KIAA1217: variants seen among roughly 807,000 people sequenced by gnomAD.
KIAA1217 encodes the protein sickle tail protein homolog.
KIAA1217 carries 88 observed loss-of-function variants against 163.9 expected under a neutral mutation model. The observed-to-expected ratio is 0.54, with a 90% CI of 0.45 to 0.64. The LOEUF is 0.64. Ranked by LOEUF, KIAA1217 falls within the 30% of genes least tolerant of loss-of-function variation. The pLI, the probability that KIAA1217 is intolerant of heterozygous loss-of-function variation, is 0.00. For synonymous variants in KIAA1217, 903 were observed against 923.1 expected, an observed-to-expected ratio of 0.98 and a Z score of 0.39; for missense variants, 2,372 against 2,475.0, an observed-to-expected ratio of 0.96 and a Z score of 0.88.
At chr10:23,866,558 T>G (rs1400903196) in intron 1 of KIAA1217, among the ~76,000 whole-genome samples, 1 of 152,114 alleles carries the variant, frequency 6.6e-6, no homozygotes, top group African/African-American at 2.4e-5. Flanking sequence ...GGAGGGCAGC[T>G]GTACCCTTTT....
intron 4 of KIAA1217, among the ~76,000 whole-genome samples, chr10:24,436,869 C>A (rs2060087515): frequency 6.6e-6 from 1 of 151,514 alleles, no homozygotes; most frequent in South Asian, 2.1e-4. Flanking sequence ...ACTGCACTTC[C>A]TTCAGTGTTT....
Position 24,381,086 on chromosome 10 carries a change from T to C in KIAA1217, c.553+19T>C. ...TCTCTGGGTAAGCTTTAGAAGGCAGTTTCTGATGCCCCTTTCTTACTGAAT... is the reference window on the plus strand; with the variant it reads ...TCTCTGGGTAAGCTTTAGAAGGCAGCTTCTGATGCCCCTTTCTTACTGAAT... On this transcript the variant is annotated intron_variant, in intron 3 of 20. Transcript: ENST00000376454. The C allele has an allele frequency of 6.6e-7, 1 of 1,507,932 alleles. No homozygotes were observed. The highest frequency in any genetic ancestry group is 8.9e-7 in the Non-Finnish European group (1 of 1,122,998). The allele number at this position is 1,507,932 out of a possible 1,614,324, so 93.4% of individuals were successfully genotyped here. A position where few individuals can be genotyped will look rare whatever the true frequency, so the allele number is the denominator to read the frequency against.
chr10:24,003,924 C>A (rs1055650088), intron 1 of KIAA1217, among the ~76,000 whole-genome samples: 1 of 152,130 alleles, frequency 6.6e-6, no homozygotes, highest in Non-Finnish European at 1.5e-5. Context: ...CAAAGTCTTA[C>A]GAACTGGGTA....
At chr10:24,459,072 A>AATC (rs2062088665) in intron 5 of KIAA1217, among the ~76,000 whole-genome samples, 1 of 152,030 alleles carries the variant, frequency 6.6e-6, no homozygotes, top group Non-Finnish European at 1.5e-5. Context: ...TGATTTACTA[A>AATC]ACTCTCCAGG....
intron 2 of KIAA1217, among the ~76,000 whole-genome samples, chr10:24,226,030 T>G (rs1199734226): frequency 2.6e-5 from 4 of 152,176 alleles, no homozygotes; most frequent in Non-Finnish European, 4.4e-5. Context: ...GATTGCAGTT[T>G]GAGCAGTCAG....
intron 2 of KIAA1217, among the ~76,000 whole-genome samples, chr10:24,264,804 A>ATTCTCTCT (rs1491416838): frequency 1.0e-4 from 6 of 58,932 alleles, no homozygotes; most frequent in African/African-American, 3.9e-4. Context: ...TCTCTCTCTC[A>ATTCTCTCT]TTCTCTCTTT....
chr10:24,182,970 G>A (rs1589808827), intron 2 of KIAA1217, among the ~76,000 whole-genome samples: 1 of 152,190 alleles, frequency 6.6e-6, no homozygotes, highest in Non-Finnish European at 1.5e-5. Flanking sequence ...GATATAGTGA[G>A]AGGTGTTTAG....
intron 2 of KIAA1217, among the ~76,000 whole-genome samples, chr10:24,140,326 C>T (rs2064007932): frequency 6.7e-6 from 1 of 150,238 alleles, no homozygotes; most frequent in Non-Finnish European, 1.5e-5. Flanking sequence ...TGCCACTGTA[C>T]TCCAGCCTGG....
At chr10:24,515,510 C>T (rs532102376) in intron 10 of KIAA1217, among the ~76,000 whole-genome samples, 7 of 152,220 alleles carry the variant, frequency 4.6e-5, no homozygotes, top group African/African-American at 1.2e-4. Flanking sequence ...GGTAGTGGAA[C>T]GAACATATCA....
At chr10:24,182,857 A>G (rs528944029) in intron 2 of KIAA1217, among the ~76,000 whole-genome samples, 12 of 152,282 alleles carry the variant, frequency 7.9e-5, no homozygotes, top group Admixed American at 7.2e-4. Flanking sequence ...TGATAACAAT[A>G]CACTCTAGTT....
intron 1 of KIAA1217, among the ~76,000 whole-genome samples, chr10:23,779,231 A>T (rs1315128166): frequency 1.3e-5 from 2 of 152,186 alleles, no homozygotes; most frequent in African/African-American, 4.8e-5. Flanking sequence ...GGACTCCTAG[A>T]GCTTACAGAG....
chr10:24,099,900 A>G (rs964008704), intron 2 of KIAA1217, among the ~76,000 whole-genome samples: 5 of 152,040 alleles, frequency 3.3e-5, no homozygotes, highest in Non-Finnish European at 5.9e-5. Context: ...TTGCCACTGC[A>G]GAGATGATTC....
chr10:24,473,602 C>T lies in KIAA1217; in HGVS notation c.1221C>T (p.Ala407=). The stretch of plus-strand genomic sequence containing the variant: ...ATCACGAGGGACGGATGAGCATAGC[C>T]TCATCCCATGGTGGACACCCACTGG... ...YLYHEGRMSI[A]SSHGGHPLDV... Residue 407 remains alanine, a synonymous_variant, in exon 6 of 21, where the codon GCC becomes GCT. Coordinates refer to ENST00000376454, the MANE Select transcript of KIAA1217 (RefSeq NM_019590.5). 6.2e-7 allele frequency: 1 copy of T among 1,614,150 alleles called. No homozygotes were observed. Among genetic ancestry groups the T allele is most frequent in the Non-Finnish European group, 8.5e-7 (1 of 1,180,042 alleles).
At chr10:24,180,280 C>CT (rs34268461) in intron 2 of KIAA1217, among the ~76,000 whole-genome samples, 1,319 of 83,058 alleles carry the variant, frequency 0.016, 28 homozygotes, top group Non-Finnish European at 0.021. Flanking sequence ...CCTCAACCTT[C>CT]TTTTTTTTTT....
intron 1 of KIAA1217, among the ~76,000 whole-genome samples, chr10:23,828,478 C>T (rs1276245172): frequency 6.6e-6 from 1 of 152,056 alleles, no homozygotes; most frequent in Non-Finnish European, 1.5e-5. Context: ...TTTATAACAC[C>T]GTGAATGCCA....
At chr10:23,895,393 T>C (rs1841632128) in intron 1 of KIAA1217, among the ~76,000 whole-genome samples, 1 of 151,880 alleles carries the variant, frequency 6.6e-6, no homozygotes, top group African/African-American at 2.4e-5. Flanking sequence ...CATGAAAAAA[T>C]GCTCACCATC....
chr10:24,525,266 T>C lies in KIAA1217; in HGVS notation c.2898+502T>C, dbSNP rs556839472. On this transcript the variant is annotated intron_variant, in intron 13 of 20. Transcript: ENST00000376454. ...GCCGGCTTCAAGCACTCCACTGAGG[T>C]GAAGGCAGCCTGGGGAGGGTCTGCC... Among the ~76,000 whole-genome samples the C allele has an allele frequency of 2.0e-5, 3 of 152,230 alleles. 1 individual carries two copies. The South Asian group carries it at 6.2e-4, about 32-fold the overall frequency.
chr10:24,505,037 A>G (rs999996406), intron 9 of KIAA1217, among the ~76,000 whole-genome samples: 5 of 152,138 alleles, frequency 3.3e-5, no homozygotes, highest in African/African-American at 7.2e-5. Flanking sequence ...CACGATGGCC[A>G]GAGTCTGACT....
intron 8 of KIAA1217, among the ~76,000 whole-genome samples, chr10:24,497,230 A>T (rs755890214): frequency 6.6e-6 from 1 of 152,138 alleles, no homozygotes; most frequent in African/African-American, 2.4e-5. Flanking sequence ...GTAAAGGAAA[A>T]CCCAGACTTC....
Sources: gnomAD v4.1 joint callset for allele counts (sites outside exome capture counted in the v4.1 genomes callset) on GRCh38, gnomAD v4.1.1 for gene constraint, MANE v1.5 for transcripts, NCBI Gene and HGNC (gene_info 2026-07-23, HGNC 2026-07-21) for gene names.